The following ARL13B variants were observed in gnomAD, a reference collection of about 807,000 sequenced individuals.
ARL13B encodes the protein ADP-ribosylation factor-like protein 13B.
In ARL13B, 36 loss-of-function variants were observed where a neutral mutation model predicts 56.1. The ratio of observed to expected loss-of-function variants is 0.64; its 90% CI spans 0.49 to 0.85. The LOEUF (loss-of-function observed/expected upper bound fraction) is 0.85. Among genes scored for constraint, ARL13B ranks in the 40% least tolerant of loss-of-function variants. The pLI is 0.00. For missense variants in ARL13B, 519 were observed against 507.1 expected (o/e 1.02, Z -0.23); for synonymous variants, 178 against 171.1 (o/e 1.04, Z -0.32).
intron 1 of ARL13B, 78 bp downstream of exon 1, chr3:93,980,560 C>T: frequency 6.4e-7 from 1 of 1,571,578 alleles, no homozygotes; most frequent in African/African-American, 1.3e-5. Flanking sequence ...CCGCCTTTTC[C>T]CCGCGCCTGG....
chr3:94,035,391 A>C lies in ARL13B; in HGVS notation c.441A>C (p.Leu147=). The C allele has an allele frequency of 1.9e-6, 3 of 1,606,904 alleles. No homozygotes were observed. Among genetic ancestry groups the C allele is most frequent in the Non-Finnish European group, 2.5e-6 (3 of 1,178,242 alleles). Residue 147 remains leucine (L), a synonymous_variant, in exon 4 of 10, where the codon CTA becomes CTC. Coordinates refer to ENST00000394222, the MANE Select transcript of ARL13B (RefSeq NM_001174150.2). ...GAGAAGCTGATGTCATTGAATGTCT[A>C]TCTCTGGAAAAATTGGTCAATGAGC... The part of the protein sequence containing the change: ...ALGEADVIEC[L]SLEKLVNEHK...
chr3:94,003,190 TAA>T (rs1446655021), intron 2 of ARL13B, among the ~76,000 whole-genome samples: 2 of 152,314 alleles, frequency 1.3e-5, no homozygotes, highest in Admixed American at 1.3e-4. Context: ...TTCAGCTAAT[TAA>T]AAAAGAGTGG....
intron 7 of ARL13B, among the ~76,000 whole-genome samples, chr3:94,046,232 ATCCCCAAAAGT>A (rs1359863088): frequency 6.6e-6 from 1 of 152,032 alleles, no homozygotes; most frequent in Non-Finnish European, 1.5e-5. Context: ...CATAAACATT[ATCCCCAAAAGT>A]TTCTTCATGT....
intron 1 of ARL13B, 53 bp downstream of exon 1, chr3:93,980,535 C>A: frequency 6.3e-7 from 1 of 1,599,644 alleles, no homozygotes; most frequent in Non-Finnish European, 8.5e-7. Flanking sequence ...ATGGCTGCGC[C>A]CCAGGGGCGA....
chr3:94,014,564 T>C (rs762264967), intron 3 of ARL13B: 4 of 1,612,490 alleles, frequency 2.5e-6, no homozygotes, highest in Non-Finnish European at 3.4e-6. Flanking sequence ...AAAAGAGATA[T>C]CTGAATGAAA....
intron 1 of ARL13B, among the ~76,000 whole-genome samples, chr3:93,983,216 T>C (rs992829150): frequency 9.2e-5 from 14 of 152,298 alleles, no homozygotes; most frequent in African/African-American, 2.2e-4. Flanking sequence ...ATTCCAGACA[T>C]TGGAATCAGG....
intron 3 of ARL13B, chr3:94,014,361 G>T: frequency 6.6e-7 from 1 of 1,506,414 alleles, no homozygotes. Flanking sequence ...CCGTAAAGCT[G>T]GAAAAAGTTT....
At chr3:94,045,969 A>AAAAAAAAAAAG (rs2076977111) in intron 7 of ARL13B, among the ~76,000 whole-genome samples, 4 of 118,192 alleles carry the variant, frequency 3.4e-5, no homozygotes, top group Non-Finnish European at 7.5e-5. Flanking sequence ...AAAAAAAAAG[A>AAAAAAAAAAAG]AAAAAAAAAG....
At chr3:94,009,771 C>T (rs184105063) in intron 3 of ARL13B, among the ~76,000 whole-genome samples, 303 of 152,158 alleles carry the variant, frequency 2.0e-3, no homozygotes, top group Middle Eastern at 0.01. Context: ...GACTCATCTC[C>T]AGATGTCCTT....
intron 1 of ARL13B, among the ~76,000 whole-genome samples, chr3:93,982,552 A>G (rs1036774147): frequency 6.6e-6 from 1 of 152,216 alleles, no homozygotes; most frequent in African/African-American, 2.4e-5. Context: ...GTTAAATAAT[A>G]TATTAGAATT....
Position 94,055,648 on chromosome 3 carries a change from T to A in ARL13B, c.*2385T>A, listed in dbSNP as rs1158794998. 2.2e-6 allele frequency: 1 copy of A among 453,046 alleles called. No individual in the cohort carries two copies. The highest frequency in any genetic ancestry group is 1.6e-5 in the South Asian group (1 of 64,246). 28.1% of individuals were successfully genotyped at this position (453,046 alleles called of 1,614,324 possible). A position where few individuals can be genotyped will look rare whatever the true frequency, so the allele number is the denominator to read the frequency against. On this transcript the variant is annotated 3_prime_UTR_variant, in exon 10 of 10. Transcript: ENST00000394222. ...ATACATGATATTGTATGTAACTGAC[T>A]TCAAATATAAAACTATGCATAGAAA...
At chr3:94,035,875 C>G (rs1348124939) in intron 4 of ARL13B, among the ~76,000 whole-genome samples, 1 of 152,046 alleles carries the variant, frequency 6.6e-6, no homozygotes, top group Non-Finnish European at 1.5e-5. Context: ...AGTTTGAGAC[C>G]AACCTGGGCA....
chr3:94,019,944 G>C (rs1271913958), intron 3 of ARL13B, among the ~76,000 whole-genome samples: 1 of 152,148 alleles, frequency 6.6e-6, no homozygotes, highest in Non-Finnish European at 1.5e-5. Context: ...TCCTGAGTTA[G>C]GATGTTCTTT....
chr3:93,995,966 G>C (rs765015446), intron 2 of ARL13B, 22 bp downstream of exon 2: 1 of 1,606,628 alleles, frequency 6.2e-7, no homozygotes, highest in Non-Finnish European at 8.5e-7. Context: ...ACATTTATGT[G>C]CTTTCTGAAC....
rs540645605 is a variant in ARL13B, at chr3:94,035,427, G to T, written c.477G>T (p.Leu159=). The change falls in exon 4 of 10, where the codon CTG becomes CTT. Residue 159 remains leucine (L), a synonymous_variant. Transcript: ENST00000394222. The part of the protein sequence containing the change: ...LEKLVNEHKC[L]CQIEPCSAIS... ...AATTGGTCAATGAGCACAAGTGCCT[G>T]TGTCAGATAGTAAGGTTTTTTTTTT... The T allele has an allele frequency of 5.7e-6, 9 of 1,572,914 alleles. No individual in the cohort carries two copies. In the South Asian group the frequency reaches 6.0e-5, roughly 10 times the overall value.
intron 3 of ARL13B, among the ~76,000 whole-genome samples, chr3:94,011,442 C>T (rs572696229): frequency 6.6e-6 from 1 of 152,230 alleles, no homozygotes; most frequent in South Asian, 2.1e-4. Context: ...TTCTGTTCTC[C>T]CTTAAACCCA....
chr3:93,999,596 A>T (rs1176094237), intron 2 of ARL13B, among the ~76,000 whole-genome samples: 1 of 151,988 alleles, frequency 6.6e-6, no homozygotes, highest in Non-Finnish European at 1.5e-5. Flanking sequence ...GTTGTTTTTA[A>T]ATGTTCGATT....
intron 3 of ARL13B, chr3:94,015,050 G>A (rs375030063): frequency 3.1e-6 from 5 of 1,613,932 alleles, no homozygotes; most frequent in Non-Finnish European, 3.4e-6. Flanking sequence ...CTTTTCTGTT[G>A]CTGCCCAAAT....
In ARL13B at chr3:94,053,464, A is replaced by G. The variant is rs1476320435; in HGVS notation, c.*201A>G. The G allele has an allele frequency of 4.4e-6, 3 of 680,074 alleles. No individual in the cohort carries two copies. In the Admixed American group the frequency reaches 6.1e-5, roughly 14 times the overall value. The allele number at this position is 680,074 out of a possible 1,614,324, so 42.1% of individuals were successfully genotyped here. A position where few individuals can be genotyped will look rare whatever the true frequency, so the allele number is the denominator to read the frequency against. On this transcript the variant is annotated 3_prime_UTR_variant, in exon 10 of 10. Coordinates refer to ENST00000394222, the MANE Select transcript of ARL13B (RefSeq NM_001174150.2). ...TGGTTAAAAAAATAAAAGAAGCACAATGACCAGTACATGAAATCAGCATTT... is the reference window on the plus strand; with the variant it reads ...TGGTTAAAAAAATAAAAGAAGCACAGTGACCAGTACATGAAATCAGCATTT...
Sources: gnomAD v4.1 joint callset for allele counts (sites outside exome capture counted in the v4.1 genomes callset) on GRCh38, gnomAD v4.1.1 for gene constraint, MANE v1.5 for transcripts, NCBI Gene and HGNC (gene_info 2026-07-23, HGNC 2026-07-21) for gene names.